The following JMJD1C variants were observed in gnomAD, a reference collection of about 807,000 sequenced individuals.
JMJD1C encodes the protein jumonji domain containing 1C, also known as jumonji domain-containing protein 1C.
JMJD1C carries 31 observed loss-of-function variants against 245.3 expected under a neutral mutation model. The ratio of observed to expected loss-of-function variants is 0.13; its 90% CI spans 0.09 to 0.17. JMJD1C has a LOEUF of 0.17. Among genes scored for constraint, JMJD1C ranks in the 10% least tolerant of loss-of-function variants. The pLI, the probability that JMJD1C is intolerant of heterozygous loss-of-function variation, is 1.00. For missense variants in JMJD1C, 2,691 were observed against 3,000.2 expected, an observed-to-expected ratio of 0.90 and a Z score of 2.41; for synonymous variants, 1,057 against 1,017.4, an observed-to-expected ratio of 1.04 and a Z score of -0.74.
chr10:63,215,260 T>G lies in JMJD1C; in HGVS notation c.1015+3A>C. 2 of 1,608,974 alleles carry G rather than the reference T, an allele frequency of 1.2e-6. No homozygotes were observed. The highest frequency in any genetic ancestry group is 1.7e-6 in the Non-Finnish European group (2 of 1,177,482). On this transcript the variant is annotated splice_donor_region_variant and intron_variant, in intron 7 of 25. Transcript: ENST00000399262. ...TTCCCTTAAAAAAAAAAGTGGGTCC[T>G]ACCTCCTCGTGATATATAATCATAT... is the stretch of plus-strand genomic sequence containing the variant.
chr10:63,254,209 AC>A (rs1400092901), intron 3 of JMJD1C, among the ~76,000 whole-genome samples: 1 of 152,204 alleles, frequency 6.6e-6, no homozygotes, highest in Non-Finnish European at 1.5e-5. Context: ...AAACAAACAA[AC>A]AAAAAACAGC....
chr10:63,406,132 C>A (rs1340779329), intron 1 of JMJD1C, among the ~76,000 whole-genome samples: 1 of 152,144 alleles, frequency 6.6e-6, no homozygotes, highest in Non-Finnish European at 1.5e-5. Flanking sequence ...ACTACTCACA[C>A]CTCCTGCTTT....
At position 63,189,468 on chromosome 10, in the gene JMJD1C, A is replaced by C. The variant is rs1391123063; in HGVS notation, c.6292-22T>G. 5.8e-6 allele frequency: 9 copies of C among 1,562,948 alleles called. No homozygotes were observed. In the East Asian group the frequency reaches 1.1e-4, roughly 20 times the overall value. The stretch of plus-strand genomic sequence containing the variant: ...TACTCTATTAAGGAAAAAACAAAAC[A>C]AAAAAAACCTGTTTTTGAGAGAAAT... On this transcript the variant is annotated intron_variant, in intron 17 of 25. Coordinates refer to ENST00000399262, the MANE Select transcript of JMJD1C (RefSeq NM_032776.3).
At chr10:63,221,148 G>A (rs1031290599) in intron 3 of JMJD1C, among the ~76,000 whole-genome samples, 15 of 149,568 alleles carry the variant, frequency 1.0e-4, no homozygotes, top group East Asian at 5.8e-4. Context: ...ATGGAAACCC[G>A]TGAATAGAAA....
intron 2 of JMJD1C, among the ~76,000 whole-genome samples, chr10:63,378,485 C>G (rs1946951780): frequency 6.6e-6 from 1 of 151,778 alleles, no homozygotes; most frequent in Non-Finnish European, 1.5e-5. Flanking sequence ...CCAGCTACTC[C>G]GGAGGCTGAG....
intron 1 of JMJD1C, among the ~76,000 whole-genome samples, chr10:63,429,493 T>A (rs1950625676): frequency 6.6e-6 from 1 of 152,200 alleles, no homozygotes; most frequent in Non-Finnish European, 1.5e-5. Context: ...ACATGAAGGA[T>A]GAGAACAAAA....
chr10:63,189,360 G>A lies in JMJD1C; in HGVS notation c.6378C>T (p.Thr2126=), dbSNP rs1161779692. ...VVENKIPPSK[T]SKINVKPELK... ...GCTCTGGTTTTACATTTATCTTGGA[G>A]GTTTTACTTGGTGGAATTTTGTTTT... Residue 2126 remains threonine (T), a synonymous_variant, in exon 18 of 26, where the codon ACC becomes ACT. Transcript: ENST00000399262. 4 of 1,613,450 alleles carry A rather than the reference G, an allele frequency of 2.5e-6. No individual in the cohort carries two copies. The highest frequency in any genetic ancestry group is 1.1e-5 in the South Asian group (1 of 91,076).
Position 63,212,325 on chromosome 10 carries a change from T to G in JMJD1C, c.2694+1148A>C, listed in dbSNP as rs544900372. ...ACATTTAATATTATGTATGTATGTGTTTTTTAACCACAAAAACAAGGTGTT... is the reference window on the plus strand; with the variant it reads ...ACATTTAATATTATGTATGTATGTGGTTTTTAACCACAAAAACAAGGTGTT... On this transcript the variant is annotated intron_variant, in intron 8 of 25. Transcript: ENST00000399262. 5.3e-5 allele frequency among the ~76,000 whole-genome samples: 8 copies of G among 152,272 alleles called. No individual in the cohort carries two copies. In the South Asian group the frequency reaches 1.7e-3, roughly 32 times the overall value.
At position 63,168,523 on chromosome 10, in the gene JMJD1C, A is replaced by G; in HGVS notation, c.7445T>C (p.Val2482Ala). Reference sequence around the variant, plus strand: ...TGACTCTACAAGATGTTCTGGAGACACAAAATCTTCAGTTACCTGAATACA... The same window carrying G: ...TGACTCTACAAGATGTTCTGGAGACGCAAAATCTTCAGTTACCTGAATACA... ...HSCIQVTEDF[V>A]SPEHLVESFH... Residue 2482 changes from valine to alanine, a missense_variant, in exon 25 of 26, where the codon GTG becomes GCG. Around this residue, in one of 9 missense-constraint regions of JMJD1C, gnomAD observed 232 missense variants for 416.1 expected, o/e 0.56. Transcript: ENST00000399262. 6.2e-7 allele frequency: 1 copy of G among 1,608,832 alleles called. No individual in the cohort carries two copies. The highest frequency in any genetic ancestry group is 1.1e-5 in the South Asian group (1 of 90,226).
At chr10:63,176,599 G>A in intron 23 of JMJD1C, 126 bp from the exon 24 acceptor site, 3 of 704,524 alleles carry the variant, frequency 4.3e-6, no homozygotes, top group Non-Finnish European at 7.0e-6. Context: ...ACAACTGAAT[G>A]AGCTTCTTCA....
intron 1 of JMJD1C, among the ~76,000 whole-genome samples, chr10:63,402,386 G>A (rs995372991): frequency 6.6e-6 from 1 of 152,114 alleles, no homozygotes; most frequent in African/African-American, 2.4e-5. Context: ...TTAGTCCTTT[G>A]TGTTGAGTGA....
Position 63,305,459 on chromosome 10 carries a change from C to CCTCTCTCTCTCT in JMJD1C, c.334-40707_334-40696dup, listed in dbSNP as rs371564275. Among the ~76,000 whole-genome samples the CCTCTCTCTCTCT allele has an allele frequency of 1.9e-3, 214 of 113,078 alleles. 4 individuals carry two copies. Among genetic ancestry groups the CCTCTCTCTCTCT allele is most frequent in the African/African-American group, 3.2e-3 (95 of 29,518 alleles). 74.2% of individuals were successfully genotyped at this position (113,078 alleles called of 152,430 possible). On this transcript the variant is annotated intron_variant, in intron 2 of 25. Transcript: ENST00000399262. ...GGATGACATGGCAAGACGCTCTGAC[C>CCTCTCTCTCTCT]CTCTCTCTCTCTCTCTCTCTCTCTC...
At chr10:63,424,196 C>CT (rs1255516263) in intron 1 of JMJD1C, among the ~76,000 whole-genome samples, 4 of 151,026 alleles carry the variant, frequency 2.6e-5, no homozygotes, top group African/African-American at 9.7e-5. Context: ...TGAGTAGCAG[C>CT]TGGGACTACA....
chr10:63,514,706 C>A (rs1954966036), intron 1 of JMJD1C, among the ~76,000 whole-genome samples: 1 of 151,928 alleles, frequency 6.6e-6, no homozygotes, highest in Non-Finnish European at 1.5e-5. Context: ...ACCATTCAGA[C>A]CCCAAACCTC....
chr10:63,247,978 T>C (rs981789851), intron 3 of JMJD1C, among the ~76,000 whole-genome samples: 2 of 151,724 alleles, frequency 1.3e-5, no homozygotes, highest in Admixed American at 6.6e-5. Flanking sequence ...ACTGTAATCC[T>C]AGCACTGTGG....
chr10:63,214,057 T>G lies in JMJD1C; in HGVS notation c.2110A>C (p.Ile704Leu). Residue 704 changes from isoleucine (I) to leucine (L), a missense_variant, in exon 8 of 26, where the codon ATC becomes CTC. Ile to Leu is a conservative substitution (Grantham distance 5). Around this residue, in one of 9 missense-constraint regions of JMJD1C, gnomAD observed 1,562 missense variants for 1,490.7 expected, o/e 1.05. Coordinates refer to ENST00000399262, the MANE Select transcript of JMJD1C (RefSeq NM_032776.3). ...GTAAAATGCTCATTTTTATCAATGA[T>G]AAGAGGACTCTTTGTAGTTTCTAAT... ...STLETTKSPL[I>L]IDKNEHFTVY... The G allele has an allele frequency of 1.2e-6, 2 of 1,614,172 alleles. No individual in the cohort carries two copies. The highest frequency in any genetic ancestry group is 1.7e-6 in the Non-Finnish European group (2 of 1,179,986).
intron 1 of JMJD1C, among the ~76,000 whole-genome samples, chr10:63,438,685 T>C (rs1464898723): frequency 6.6e-6 from 1 of 152,168 alleles, no homozygotes; most frequent in Non-Finnish European, 1.5e-5. Flanking sequence ...GCTCCTCAAA[T>C]ACGCTAGGCT....
chr10:63,215,154 G>T lies in JMJD1C; in HGVS notation c.1016-3C>A. Reference sequence around the variant, plus strand: ...TTTGTTTTTACCTTTAGGATTTTCTGTAGGATTAAAGAAAGAAGAGTCTTA... The same window carrying T: ...TTTGTTTTTACCTTTAGGATTTTCTTTAGGATTAAAGAAAGAAGAGTCTTA... On this transcript the variant is annotated splice_region_variant and splice_polypyrimidine_tract_variant and intron_variant, in intron 7 of 25. Coordinates refer to ENST00000399262, the MANE Select transcript of JMJD1C (RefSeq NM_032776.3). 1 of 1,526,118 alleles carries T rather than the reference G, an allele frequency of 6.6e-7. No homozygotes were observed. The highest frequency in any genetic ancestry group is 8.8e-7 in the Non-Finnish European group (1 of 1,131,482). 94.5% of individuals were successfully genotyped at this position (1,526,118 alleles called of 1,614,324 possible).
At chr10:63,326,417 TAAATAAATAAAG>T (rs1453653675) in intron 2 of JMJD1C, among the ~76,000 whole-genome samples, 74 of 133,418 alleles carry the variant, frequency 5.5e-4, no homozygotes, top group Admixed American at 1.5e-3. Context: ...AATAAATAAA[TAAATAAATAAAG>T]ATAATAAAAT....
Sources: gnomAD v4.1 joint callset for allele counts (sites outside exome capture counted in the v4.1 genomes callset) on GRCh38, gnomAD v4.1.1 for gene constraint, gnomAD v4.1.1 regional missense constraint, MANE v1.5 for transcripts, NCBI Gene and HGNC (gene_info 2026-07-23, HGNC 2026-07-21) for gene names.